Variants in MTMR8 observed in about 807,000 individuals in gnomAD.
MTMR8 encodes the protein myotubularin related protein 8, also known as phosphatidylinositol-3,5-bisphosphate 3-phosphatase MTMR8.
A neutral mutation model predicts 39.3 loss-of-function variants in MTMR8; 65 were observed. That is an observed-to-expected ratio of 1.65 (90% CI 1.35 to 2.03). The LOEUF (loss-of-function observed/expected upper bound fraction) is 2.03, where lower values mean the gene tolerates loss of function less well. Among genes scored for constraint, MTMR8 ranks in the 30% most tolerant of loss-of-function variants. The pLI, the probability that MTMR8 is intolerant of heterozygous loss-of-function variation, is 0.00. For missense variants in MTMR8, 777 were observed against 538.9 expected (o/e 1.44, Z -4.37); for synonymous variants, 245 against 185.2 (o/e 1.32, Z -2.62).
chrX:64,336,633 C>T (rs1373274677), intron 9 of MTMR8, among the ~76,000 whole-genome samples: 2 of 110,121 alleles, frequency 1.8e-5, no homozygotes, highest in Non-Finnish European at 3.8e-5. Flanking sequence ...CCAGTCACTA[C>T]TAAAAATACA....
At chrX:64,272,435 G>A (rs916338541) in intron 12 of MTMR8, among the ~76,000 whole-genome samples, 7 of 110,775 alleles carry the variant, frequency 6.3e-5, no homozygotes, top group African/African-American at 2.3e-4. Context: ...GCAGAAAAAA[G>A]ACTAAGCAGA....
chrX:64,314,902 C>T (rs1922420073), intron 12 of MTMR8, among the ~76,000 whole-genome samples: 1 of 111,434 alleles, frequency 9.0e-6, no homozygotes, highest in East Asian at 2.9e-4. Context: ...GACTGCACTG[C>T]AAACCAATGT....
At chrX:64,298,768 A>G (rs1921726453) in intron 12 of MTMR8, among the ~76,000 whole-genome samples, 1 of 58,050 alleles carries the variant, frequency 1.7e-5, no homozygotes, top group South Asian at 9.9e-4. Flanking sequence ...TACCTAATTT[A>G]TTGAGAGTTT....
chrX:64,369,417 T>C (rs1924067793), intron 1 of MTMR8, among the ~76,000 whole-genome samples: 1 of 111,677 alleles, frequency 9.0e-6, no homozygotes, highest in South Asian at 3.8e-4. Flanking sequence ...ATATACACCA[T>C]GGAATACTAT....
intron 12 of MTMR8, among the ~76,000 whole-genome samples, chrX:64,299,438 T>TG (rs1168707570): frequency 4.2e-4 from 45 of 108,385 alleles, no homozygotes; most frequent in Admixed American, 3.6e-3. Flanking sequence ...CCCTTTATCA[T>TG]TTTTTATTGT....
chrX:64,347,043 C>A (rs1194542176), intron 6 of MTMR8, among the ~76,000 whole-genome samples: 1 of 110,874 alleles, frequency 9.0e-6, no homozygotes, highest in African/African-American at 3.3e-5. Flanking sequence ...AGAGATGAAC[C>A]AATTTGCCCA....
intron 12 of MTMR8, among the ~76,000 whole-genome samples, chrX:64,274,631 G>C (rs1931832550): frequency 8.9e-6 from 1 of 111,941 alleles, no homozygotes; most frequent in Non-Finnish European, 1.9e-5. Flanking sequence ...TTATTCACAA[G>C]AGTCAAGATA....
intron 1 of MTMR8, among the ~76,000 whole-genome samples, chrX:64,367,726 T>G (rs1191114917): frequency 9.0e-6 from 1 of 111,652 alleles, no homozygotes; most frequent in Non-Finnish European, 1.9e-5. Context: ...CTCTCACCAC[T>G]CCTATTCAAC....
intron 12 of MTMR8, among the ~76,000 whole-genome samples, chrX:64,318,929 C>T (rs888360407): frequency 4.5e-5 from 5 of 111,093 alleles, no homozygotes; most frequent in Non-Finnish European, 9.4e-5. Flanking sequence ...GATCCACCCG[C>T]CTTGGCCTTC....
chrX:64,306,342 G>A (rs959596293), intron 12 of MTMR8: 3 of 272,944 alleles, frequency 1.1e-5, no homozygotes, highest in African/African-American at 2.8e-5. Flanking sequence ...CAAAGCCCAT[G>A]CAGCTTCTAA....
intron 10 of MTMR8, among the ~76,000 whole-genome samples, chrX:64,334,238 A>G (rs1923015419): frequency 9.1e-6 from 1 of 110,114 alleles, no homozygotes; most frequent in Non-Finnish European, 1.9e-5. Flanking sequence ...CTTCCCCACC[A>G]AACCTGCCCT....
chrX:64,388,883 C>T (rs984680079), intron 1 of MTMR8, among the ~76,000 whole-genome samples: 1 of 111,902 alleles, frequency 8.9e-6, no homozygotes, highest in Non-Finnish European at 1.9e-5. Context: ...ACCTTAGAAT[C>T]ATTTTTTTAA....
At chrX:64,382,750 T>G (rs1924461769) in intron 1 of MTMR8, among the ~76,000 whole-genome samples, 1 of 111,637 alleles carries the variant, frequency 9.0e-6, no homozygotes, top group Admixed American at 9.6e-5. Context: ...TTGTCATAGA[T>G]AGCTCTTATT....
intron 12 of MTMR8, among the ~76,000 whole-genome samples, chrX:64,315,843 A>G (rs960385233): frequency 1.8e-5 from 2 of 110,176 alleles, no homozygotes; most frequent in Non-Finnish European, 3.8e-5. Flanking sequence ...TTACAATTTC[A>G]TTTTGATTAA....
chrX:64,332,075 G>C (rs1012038506), intron 10 of MTMR8, among the ~76,000 whole-genome samples: 3 of 112,018 alleles, frequency 2.7e-5, no homozygotes, highest in Non-Finnish European at 5.6e-5. Context: ...GCCACTAACT[G>C]TTAAGCACTT....
intron 12 of MTMR8, among the ~76,000 whole-genome samples, chrX:64,286,951 A>G (rs1382176687): frequency 9.0e-6 from 1 of 111,546 alleles, no homozygotes; most frequent in Non-Finnish European, 1.9e-5. Context: ...TAGTGTTGGA[A>G]GTTCTGGCCA....
At chrX:64,393,516 A>C (rs1924745032) in intron 1 of MTMR8, among the ~76,000 whole-genome samples, 1 of 112,038 alleles carries the variant, frequency 8.9e-6, no homozygotes, top group Non-Finnish European at 1.9e-5. Flanking sequence ...AGTTGTCAAA[A>C]GAGAGAAAAA....
At chrX:64,340,644 G>T (rs771194053) in intron 8 of MTMR8, among the ~76,000 whole-genome samples, 5 of 111,533 alleles carry the variant, frequency 4.5e-5, no homozygotes, top group Non-Finnish European at 9.4e-5. Context: ...AAGAGATCTG[G>T]AAAAAAGTTT....
chrX:64,307,440 T>C (rs1283631407), intron 12 of MTMR8, among the ~76,000 whole-genome samples: 2 of 111,865 alleles, frequency 1.8e-5, no homozygotes, highest in Non-Finnish European at 3.8e-5. Context: ...CAATGGATTG[T>C]TCAGCATCAT....
Sources: gnomAD v4.1 joint callset for allele counts (sites outside exome capture counted in the v4.1 genomes callset) on GRCh38, gnomAD v4.1.1 for gene constraint, MANE v1.5 for transcripts, NCBI Gene and HGNC (gene_info 2026-07-23, HGNC 2026-07-21) for gene names.